STPG2: variants seen among roughly 807,000 people sequenced by gnomAD.
The protein encoded by STPG2 is sperm tail PG-rich repeat containing 2, also known as sperm-tail PG-rich repeat-containing protein 2.
A neutral mutation model predicts 54.2 loss-of-function variants in STPG2; 56 were observed. That is an observed-to-expected ratio of 1.03 (90% CI 0.83 to 1.29). STPG2 has a LOEUF of 1.29. STPG2 is among the 50% of genes most tolerant of loss of function. The probability of loss-of-function intolerance (pLI) is 0.00; values close to 1 mark genes in which losing one functional copy is unlikely to be tolerated. For synonymous variants in STPG2, 200 were observed against 181.8 expected (o/e 1.10, Z -0.81); for missense variants, 596 against 544.9 (o/e 1.09, Z -0.93).
intron 4 of STPG2, among the ~76,000 whole-genome samples, chr4:97,484,671 A>C (rs2148823239): frequency 6.6e-6 from 1 of 151,988 alleles, no homozygotes; most frequent in East Asian, 1.9e-4. Context: ...ACACTATTCC[A>C]TAAGATAGAG....
rs180861416 is a variant in STPG2, at chr4:98,089,625, C to T, written c.612+16328G>A. Among the ~76,000 whole-genome samples, 617 of 151,714 alleles carry T rather than the reference C, an allele frequency of 4.1e-3. 4 individuals are homozygous for T. Among genetic ancestry groups the T allele is most frequent in the Non-Finnish European group, 6.8e-3 (460 of 67,918 alleles). ...CTACTTTTAGCTTTTTAAGGAATAT[C>T]CACACTGTTTCCACAATGGTTGTAC... On this transcript the variant is annotated intron_variant, in intron 5 of 10. Transcript: ENST00000295268.
intron 8 of STPG2, among the ~76,000 whole-genome samples, chr4:97,854,477 T>G (rs1210032737): frequency 6.7e-6 from 1 of 148,292 alleles, no homozygotes; most frequent in Non-Finnish European, 1.5e-5. Flanking sequence ...ATGTATCATA[T>G]ATAATATATA....
At chr4:98,019,533 G>GT (rs913623442) in intron 5 of STPG2, among the ~76,000 whole-genome samples, 101 of 151,832 alleles carry the variant, frequency 6.7e-4, no homozygotes, top group African/African-American at 2.4e-3. Flanking sequence ...CTTTAAAGTA[G>GT]TTTTTTCCAA....
chr4:97,475,447 C>T (rs1484387039), intron 4 of STPG2, among the ~76,000 whole-genome samples: 1 of 149,380 alleles, frequency 6.7e-6, no homozygotes, highest in African/African-American at 2.4e-5. Context: ...TTCACTTAAT[C>T]TAACATATAT....
At chr4:97,875,359 T>C (rs1313122123) in intron 8 of STPG2, among the ~76,000 whole-genome samples, 1 of 151,592 alleles carries the variant, frequency 6.6e-6, no homozygotes, top group Non-Finnish European at 1.5e-5. Context: ...ATATATTTTT[T>C]AAAGGCCAAA....
chr4:97,608,619 A>G (rs1733652629), intron 10 of STPG2, among the ~76,000 whole-genome samples: 1 of 152,026 alleles, frequency 6.6e-6, no homozygotes, highest in African/African-American at 2.4e-5. Context: ...GTAATTGAGA[A>G]CACTGACCAG....
intron 10 of STPG2, among the ~76,000 whole-genome samples, chr4:97,623,816 G>C (rs62316464): frequency 0.078 from 11,928 of 152,086 alleles, 674 homozygotes; most frequent in Non-Finnish European, 0.12. Flanking sequence ...AGTCCCCAGT[G>C]TGTGTTTTTC....
intron 8 of STPG2, among the ~76,000 whole-genome samples, chr4:97,856,786 G>T (rs1484942630): frequency 1.3e-5 from 2 of 152,152 alleles, no homozygotes; most frequent in Non-Finnish European, 2.9e-5. Flanking sequence ...TACAATATTG[G>T]CTGTGGGTTT....
chr4:98,066,792 C>T (rs783966), intron 5 of STPG2, among the ~76,000 whole-genome samples: 136,197 of 152,222 alleles, frequency 0.89, 61,269 homozygotes, highest in Middle Eastern at 0.98. Context: ...ATTAAGAGTA[C>T]TGTATGTATT....
At chr4:97,776,866 G>T (rs1726394616) in intron 9 of STPG2, among the ~76,000 whole-genome samples, 1 of 152,110 alleles carries the variant, frequency 6.6e-6, no homozygotes, top group South Asian at 2.1e-4. Context: ...GGGATTTGAA[G>T]AAGCAACACT....
chr4:98,114,765 T>TG (rs1553943343), intron 3 of STPG2, among the ~76,000 whole-genome samples: 1,931 of 148,754 alleles, frequency 0.013, 25 homozygotes, highest in African/African-American at 0.039. Flanking sequence ...TTTTTTTTTT[T>TG]TGTGTGTGTG....
At chr4:97,774,243 G>A (rs1726306444) in intron 9 of STPG2, among the ~76,000 whole-genome samples, 1 of 151,908 alleles carries the variant, frequency 6.6e-6, no homozygotes, top group South Asian at 2.1e-4. Flanking sequence ...ATTACTTTGT[G>A]GATTACCTAC....
chr4:97,786,343 T>C (rs1272985071), intron 9 of STPG2, among the ~76,000 whole-genome samples: 1 of 152,120 alleles, frequency 6.6e-6, no homozygotes, highest in African/African-American at 2.4e-5. Context: ...TCAGTGATCT[T>C]CTTTAGTTTT....
chr4:97,735,654 T>C (rs1724960558), intron 9 of STPG2, among the ~76,000 whole-genome samples: 1 of 149,770 alleles, frequency 6.7e-6, no homozygotes, highest in African/African-American at 2.4e-5. Flanking sequence ...TACAGATGTG[T>C]ATATTCTTAT....
At chr4:97,636,176 G>C (rs1208935671) in intron 10 of STPG2, among the ~76,000 whole-genome samples, 2 of 146,738 alleles carry the variant, frequency 1.4e-5, no homozygotes, top group Non-Finnish European at 3.0e-5. Flanking sequence ...TAGAACTCAG[G>C]ATTAAGAATC....
At chr4:97,991,457 G>C (rs1304198437) in intron 5 of STPG2, among the ~76,000 whole-genome samples, 3 of 142,254 alleles carry the variant, frequency 2.1e-5, no homozygotes, top group Non-Finnish European at 4.7e-5. Flanking sequence ...GTGTGTGTGT[G>C]TGTATATATA....
At chr4:97,473,757 A>G (rs1730003489) in intron 4 of STPG2, among the ~76,000 whole-genome samples, 2 of 152,110 alleles carry the variant, frequency 1.3e-5, no homozygotes, top group Non-Finnish European at 2.9e-5. Flanking sequence ...CACGGAACCT[A>G]CTGACAAGTG....
chr4:98,121,650 A>G (rs925633250), intron 3 of STPG2, among the ~76,000 whole-genome samples: 1 of 152,024 alleles, frequency 6.6e-6, no homozygotes, highest in East Asian at 1.9e-4. Context: ...TTTGGTAGCA[A>G]TTGTGAAAGG....
At chr4:97,591,266 A>G (rs1288793632) in intron 10 of STPG2, among the ~76,000 whole-genome samples, 1 of 152,154 alleles carries the variant, frequency 6.6e-6, no homozygotes, top group Non-Finnish European at 1.5e-5. Context: ...TTTATTTTAT[A>G]AATCAATTTC....
Sources: allele counts gnomAD v4.1 joint callset (sites outside exome capture counted in the v4.1 genomes callset), GRCh38; gene constraint gnomAD v4.1.1; transcripts MANE v1.5; gene names NCBI Gene and HGNC (gene_info 2026-07-23, HGNC 2026-07-21).